Variants in DAB2IP observed in about 807,000 individuals in gnomAD.
DAB2IP encodes DAB2 interacting protein.
A neutral mutation model predicts 107.2 loss-of-function variants in DAB2IP; 28 were observed. The observed-to-expected ratio is 0.26, with a 90% CI of 0.19 to 0.36. DAB2IP has a LOEUF of 0.36. Ranked by LOEUF, DAB2IP falls within the 10% of genes least tolerant of loss-of-function variation. DAB2IP has a pLI of 1.00. For missense variants in DAB2IP, 1,400 were observed against 1,644.7 expected (o/e 0.85, Z 2.57); for synonymous variants, 755 against 706.4 (o/e 1.07, Z -1.09).
At chr9:121,573,355 G>C (rs1829994264) in intron 1 of DAB2IP, among the ~76,000 whole-genome samples, 1 of 151,964 alleles carries the variant, frequency 6.6e-6, no homozygotes. Context: ...AGGATTACAG[G>C]CGTGAGCCAC....
At chr9:121,704,902 T>C (rs952533297) in intron 3 of DAB2IP, among the ~76,000 whole-genome samples, 1 of 152,140 alleles carries the variant, frequency 6.6e-6, no homozygotes, top group Non-Finnish European at 1.5e-5. Context: ...AAGCCAGGCA[T>C]TGGAACCAGA....
rs111942161 is a variant in DAB2IP, at chr9:121,656,489, A to C, written c.124+4590A>C. On this transcript the variant is annotated intron_variant, in intron 1 of 15. Transcript: ENST00000408936. Reference sequence around the variant, plus strand: ...CCTCCACCTTGGATGACACCTGTGAAATCATTATGCCCTTTTCTGCCTTGT... The same window carrying C: ...CCTCCACCTTGGATGACACCTGTGACATCATTATGCCCTTTTCTGCCTTGT... 1.1e-4 allele frequency among the ~76,000 whole-genome samples: 16 copies of C among 152,328 alleles called. 1 individual carries two copies. Among genetic ancestry groups the C allele is most frequent in the African/African-American group, 3.8e-4 (16 of 41,582 alleles).
At chr9:121,758,803 C>A in intron 4 of DAB2IP, 95 bp from the exon 5 acceptor site, 1 of 1,091,050 alleles carries the variant, frequency 9.2e-7, no homozygotes. Context: ...GACCTGATGG[C>A]CAGAGTCCCC....
rs1200191532 is a variant in DAB2IP at position 121,776,756 on chromosome 9, A to G, written c.3314+365A>G. On this transcript the variant is annotated intron_variant, in intron 14 of 15. Coordinates refer to ENST00000408936, the Ensembl canonical transcript of DAB2IP. The surrounding 1 kb of genome is among the most constrained non-coding windows in gnomAD (Gnocchi z 5.4). ...AGGGAGGACCCCAATACAGGGTAAG[A>G]AAAGTGGGAATGAGTCTCAGTTACG... is the stretch of plus-strand genomic sequence containing the variant. Among the ~76,000 whole-genome samples the G allele has an allele frequency of 6.6e-6, 1 of 152,138 alleles. No individual in the cohort carries two copies. Among genetic ancestry groups the G allele is most frequent in the Non-Finnish European group, 1.5e-5 (1 of 68,030 alleles).
At chr9:121,757,385 G>C (rs923718392) in intron 4 of DAB2IP, among the ~76,000 whole-genome samples, 6 of 152,326 alleles carry the variant, frequency 3.9e-5, no homozygotes, top group African/African-American at 1.4e-4. Flanking sequence ...CTCTGGAAAT[G>C]GGCCAGCACC....
chr9:121,768,638 C>T lies in DAB2IP; in HGVS notation c.1899+5C>T, dbSNP rs752881812. On this transcript the variant is annotated splice_donor_5th_base_variant and intron_variant, in intron 10 of 15. Transcript: ENST00000408936. ...GCCGTCAGCCAGCTGGAGCAGGTGCCTGTTGCCGTGGGGCGGAGGTGGGGC... is the reference window on the plus strand; with the variant it reads ...GCCGTCAGCCAGCTGGAGCAGGTGCTTGTTGCCGTGGGGCGGAGGTGGGGC... 6.2e-6 allele frequency: 10 copies of T among 1,613,282 alleles called. No individual in the cohort carries two copies. The highest frequency in any genetic ancestry group is 1.8e-4 in the Middle Eastern group (1 of 5,626).
chr9:121,758,056 T>A (rs1013494016), intron 4 of DAB2IP, among the ~76,000 whole-genome samples: 18 of 152,260 alleles, frequency 1.2e-4, no homozygotes, highest in Non-Finnish European at 8.8e-5. Context: ...ATCTGGGTTC[T>A]GACTTCCTTG....
At chr9:121,620,934 C>G (rs901670675) in intron 1 of DAB2IP, among the ~76,000 whole-genome samples, 1 of 152,192 alleles carries the variant, frequency 6.6e-6, no homozygotes, top group Non-Finnish European at 1.5e-5. Flanking sequence ...GCACATCAAC[C>G]AATCCAACAT....
At chr9:121,763,440 G>A in intron 6 of DAB2IP, 65 bp from the exon 7 acceptor site, 1 of 1,542,052 alleles carries the variant, frequency 6.5e-7, no homozygotes, top group Non-Finnish European at 8.7e-7. Flanking sequence ...GCTAGGTCTG[G>A]AATCCTAGGG....
intron 3 of DAB2IP, among the ~76,000 whole-genome samples, chr9:121,730,269 AC>A (rs1431408086): frequency 2.6e-5 from 4 of 152,208 alleles, no homozygotes; most frequent in Non-Finnish European, 5.9e-5. Flanking sequence ...GACATGGGAA[AC>A]CTATTCATTT....
rs1223460653 is a variant in DAB2IP, at chr9:121,772,753, G to A, written c.2225G>A (p.Gly742Asp). The A allele has an allele frequency of 1.9e-6, 3 of 1,613,918 alleles. No homozygotes were observed. Among genetic ancestry groups the A allele is most frequent in the South Asian group, 1.1e-5 (1 of 91,082 alleles). Residue 742 changes from glycine to aspartate, a missense_variant, in exon 12 of 16, where the codon GGT becomes GAT. This residue lies in a region of DAB2IP where 600 missense variants were observed against 659.1 expected (regional missense o/e 0.91). Coordinates refer to ENST00000408936, the Ensembl canonical transcript of DAB2IP. This position sits in a 1 kb window ranked among gnomAD's most constrained non-coding sequence, Gnocchi z 4.7. ...GAGCCTGATCTTCAGATGGCCAACG[G>A]TGGCAAGAGCCTCTCCATGGTGGAC...
At chr9:121,783,688 T>C (rs1835816605) in exon 16 of DAB2IP, 3 of 1,149,924 alleles carry the variant, frequency 2.6e-6, no homozygotes, top group Non-Finnish European at 3.9e-6. Flanking sequence ...GCCCCGTGTG[T>C]GTGGCCGGCC....
chr9:121,604,692 C>T (rs547766249), intron 1 of DAB2IP, among the ~76,000 whole-genome samples: 2 of 152,320 alleles, frequency 1.3e-5, no homozygotes, highest in East Asian at 1.9e-4. Flanking sequence ...GCCGTTCCTC[C>T]GGGCTTGTAG....
chr9:121,744,672 G>C (rs1832600040), intron 3 of DAB2IP, among the ~76,000 whole-genome samples: 1 of 152,234 alleles, frequency 6.6e-6, no homozygotes, highest in Non-Finnish European at 1.5e-5. Flanking sequence ...GCATTGACGG[G>C]CAGTGAAGAG....
Position 121,699,790 on chromosome 9 carries a change from C to T in DAB2IP, c.362+332C>T, listed in dbSNP as rs1011397976. Among the ~76,000 whole-genome samples the T allele has an allele frequency of 6.6e-6, 1 of 152,206 alleles. No homozygotes were observed. Among genetic ancestry groups the T allele is most frequent in the African/African-American group, 2.4e-5 (1 of 41,470 alleles). Reference sequence around the variant, plus strand: ...CATTGTTTCCCGGGCCGTGCGGTGCCCGAACCGGGGACGGAAGTGGGGCCT... The same window carrying T: ...CATTGTTTCCCGGGCCGTGCGGTGCTCGAACCGGGGACGGAAGTGGGGCCT... On this transcript the variant is annotated intron_variant, in intron 3 of 15. Transcript: ENST00000408936. This position sits in a 1 kb window ranked among gnomAD's most constrained non-coding sequence, Gnocchi z 6.2.
intron 14 of DAB2IP, among the ~76,000 whole-genome samples, chr9:121,777,213 A>G (rs1835266637): frequency 6.6e-6 from 1 of 152,168 alleles, no homozygotes; most frequent in South Asian, 2.1e-4. Flanking sequence ...GCCTGGTCTA[A>G]GACCCCATCA....
At chr9:121,715,061 A>G (rs1410309962) in intron 3 of DAB2IP, among the ~76,000 whole-genome samples, 1 of 152,264 alleles carries the variant, frequency 6.6e-6, no homozygotes, top group Non-Finnish European at 1.5e-5. Context: ...GGCAGAGTCC[A>G]GATTTGAACA....
At chr9:121,653,945 A>T (rs1427322188) in intron 1 of DAB2IP, among the ~76,000 whole-genome samples, 1 of 152,200 alleles carries the variant, frequency 6.6e-6, no homozygotes, top group Non-Finnish European at 1.5e-5. Flanking sequence ...AGAGGAGGTG[A>T]CATTTGGATG....
At chr9:121,670,740 G>T (rs935881803) in intron 1 of DAB2IP, among the ~76,000 whole-genome samples, 5 of 152,196 alleles carry the variant, frequency 3.3e-5, no homozygotes, top group East Asian at 1.9e-4. Context: ...CATTTGGCCG[G>T]GCACAGTGGG....
Sources: gnomAD v4.1 joint callset for allele counts (sites outside exome capture counted in the v4.1 genomes callset) on GRCh38, gnomAD v4.1.1 for gene constraint, gnomAD v4.1.1 regional missense constraint, Gnocchi (gnomAD v3.1) non-coding constraint, MANE v1.5 for transcripts, NCBI Gene and HGNC (gene_info 2026-07-23, HGNC 2026-07-21) for gene names.